The following TTC3 variants were observed in gnomAD, a reference collection of about 807,000 sequenced individuals.
TTC3 encodes E3 ubiquitin-protein ligase TTC3.
In TTC3, 180 loss-of-function variants were observed where a neutral mutation model predicts 249.6. The ratio of observed to expected loss-of-function variants is 0.72; its 90% CI spans 0.64 to 0.82. The LOEUF (loss-of-function observed/expected upper bound fraction) is 0.82. Among genes scored for constraint, TTC3 ranks in the 40% least tolerant of loss-of-function variants. TTC3 has a pLI of 0.00. For missense variants in TTC3, 2,061 were observed against 2,398.4 expected (o/e 0.86, Z 2.94); for synonymous variants, 717 against 805.0 (o/e 0.89, Z 1.85).
chr21:37,121,743 A>G, intron 11 of TTC3, 74 bp from the exon 12 acceptor site: 1 of 1,386,526 alleles, frequency 7.2e-7, no homozygotes, highest in Non-Finnish European at 9.5e-7. Flanking sequence ...TTCAAGCAAA[A>G]CATTTTTCCT....
intron 19 of TTC3, among the ~76,000 whole-genome samples, chr21:37,139,180 G>A (rs2078211452): frequency 1.3e-5 from 2 of 152,130 alleles, no homozygotes; most frequent in Non-Finnish European, 1.5e-5. Context: ...TGGACCTGGG[G>A]AGGTTTCGTG....
intron 35 of TTC3, among the ~76,000 whole-genome samples, chr21:37,180,068 C>G (rs1053498567): frequency 1.2e-4 from 19 of 152,316 alleles, no homozygotes; most frequent in African/African-American, 4.1e-4. Context: ...TCTTAAGTGT[C>G]AGGCTCTGTG....
exon 33 of TTC3, chr21:37,165,937 T>C (rs765483684): frequency 3.0e-5 from 48 of 1,614,084 alleles, no homozygotes; most frequent in Non-Finnish European, 3.6e-5. Context: ...AACCTGTGTC[T>C]GCAAATTCTC....
At chr21:37,089,360 C>G (rs923356920) in intron 5 of TTC3, among the ~76,000 whole-genome samples, 1 of 151,898 alleles carries the variant, frequency 6.6e-6, no homozygotes, top group Non-Finnish European at 1.5e-5. Flanking sequence ...TATTGGATAG[C>G]TTTTTAAATT....
At position 37,088,179 on chromosome 21, in the gene TTC3, CT is replaced by C. The variant is rs755312710; in HGVS notation, c.188-8del. On this transcript the variant is annotated splice_polypyrimidine_tract_variant and intron_variant, in intron 3 of 45. Transcript: ENST00000355666. ...ATGAGGCACAAACATTAATTTTAAA[CT>C]TTTTTTTTAATTAAGAATTTGACAT... The C allele has an allele frequency of 4.0e-5, 61 of 1,516,126 alleles. No homozygotes were observed. Among genetic ancestry groups the C allele is most frequent in the South Asian group, 1.3e-4 (10 of 79,138 alleles). 93.9% of individuals were successfully genotyped at this position (1,516,126 alleles called of 1,614,324 possible).
chr21:37,082,685 T>G (rs148159960), intron 1 of TTC3: 1 of 985,340 alleles, frequency 1.0e-6, no homozygotes, highest in East Asian at 1.1e-4. Flanking sequence ...CCCCTATTTC[T>G]ATGAGCTCAG....
At chr21:37,111,828 A>C (rs905078635) in intron 11 of TTC3, among the ~76,000 whole-genome samples, 1 of 152,164 alleles carries the variant, frequency 6.6e-6, no homozygotes. Flanking sequence ...ATGTAAAAGA[A>C]CAGAAATTAT....
chr21:37,157,494 C>T (rs933944198), intron 28 of TTC3, among the ~76,000 whole-genome samples: 1 of 152,172 alleles, frequency 6.6e-6, no homozygotes, highest in Non-Finnish European at 1.5e-5. Context: ...GAAGCATGCA[C>T]TAATAACAGT....
chr21:37,194,826 G>C (rs2084676258), intron 41 of TTC3: 1 of 152,242 alleles, frequency 6.6e-6, no homozygotes, highest in Non-Finnish European at 1.5e-5. Context: ...CTAATGTGGG[G>C]GAATGTTGGG....
chr21:37,198,123 T>C lies in TTC3; in HGVS notation c.5850+98T>C, dbSNP rs1028892634. 27 of 1,366,038 alleles carry C rather than the reference T, an allele frequency of 2.0e-5. No individual in the cohort carries two copies. In the Admixed American group the frequency reaches 7.0e-4, roughly 35 times the overall value. The allele number at this position is 1,366,038 out of a possible 1,614,324, so 84.6% of individuals were successfully genotyped here. A position where few individuals can be genotyped will look rare whatever the true frequency, so the allele number is the denominator to read the frequency against. On this transcript the variant is annotated intron_variant, in intron 44 of 45. Coordinates refer to ENST00000355666, the Ensembl canonical transcript of TTC3. ...GCCCCATTCATTTCTAGACCTAATT[T>C]ATTTGATCCCAACATTAGAAACTGA...
intron 23 of TTC3, among the ~76,000 whole-genome samples, chr21:37,149,783 T>C (rs2079287718): frequency 6.6e-6 from 1 of 152,228 alleles, no homozygotes; most frequent in Admixed American, 6.5e-5. Flanking sequence ...AAAAGAACAA[T>C]GTCCAGTCTA....
At chr21:37,099,185 G>A (rs563609113) in intron 10 of TTC3, 2 of 152,000 alleles carry the variant, frequency 1.3e-5, no homozygotes, top group East Asian at 3.9e-4. Context: ...AACTTTAAAT[G>A]AAAAAGAGAT....
chr21:37,110,278 C>T (rs565002064), intron 11 of TTC3, among the ~76,000 whole-genome samples: 3 of 152,172 alleles, frequency 2.0e-5, no homozygotes, highest in East Asian at 3.9e-4. Context: ...GGAGGAAGTT[C>T]GAACCAATGG....
intron 22 of TTC3, among the ~76,000 whole-genome samples, chr21:37,147,916 A>G (rs986384690): frequency 6.6e-6 from 1 of 152,068 alleles, no homozygotes; most frequent in Admixed American, 6.6e-5. Flanking sequence ...TTTAGTAGAG[A>G]CAGGGTTTCA....
chr21:37,076,229 G>A (rs1424834550), intron 1 of TTC3, among the ~76,000 whole-genome samples: 1 of 152,154 alleles, frequency 6.6e-6, no homozygotes, highest in African/African-American at 2.4e-5. Context: ...TTCACTTGAT[G>A]TTATGTTTCT....
chr21:37,161,027 G>C (rs2054388541), intron 30 of TTC3, among the ~76,000 whole-genome samples, 169 bp downstream of exon 30: 2 of 151,776 alleles, frequency 1.3e-5, no homozygotes, highest in Non-Finnish European at 2.9e-5. Context: ...AGAAATTCCA[G>C]GTTCATATTA....
chr21:37,124,290 A>C lies in TTC3; in HGVS notation c.1110-329A>C, dbSNP rs148438171. 6.6e-3 allele frequency among the ~76,000 whole-genome samples: 993 copies of C among 150,888 alleles called. 13 individuals carry two copies. The highest frequency in any genetic ancestry group is 0.023 in the African/African-American group (929 of 41,080). On this transcript the variant is annotated intron_variant, in intron 13 of 45. Transcript: ENST00000355666. Reference sequence around the variant, plus strand: ...GCCACCACACCTGGCTAATTTTTGTATTTTTAGTAGAGACGGGGGTCTCAC... The same window carrying C: ...GCCACCACACCTGGCTAATTTTTGTCTTTTTAGTAGAGACGGGGGTCTCAC...
intron 8 of TTC3, among the ~76,000 whole-genome samples, chr21:37,094,308 T>C (rs1045340359): frequency 1.3e-5 from 2 of 152,164 alleles, no homozygotes; most frequent in Admixed American, 1.3e-4. Flanking sequence ...CTTTAATGAG[T>C]TGAAGAAATA....
chr21:37,100,637 T>C (rs913527220), intron 10 of TTC3, among the ~76,000 whole-genome samples: 2 of 152,190 alleles, frequency 1.3e-5, no homozygotes, highest in Non-Finnish European at 2.9e-5. Flanking sequence ...GGCCTGCGAA[T>C]GTTGCGCTTG....
Sources: allele counts gnomAD v4.1 joint callset (sites outside exome capture counted in the v4.1 genomes callset), GRCh38; gene constraint gnomAD v4.1.1; transcripts MANE v1.5; gene names NCBI Gene and HGNC (gene_info 2026-07-23, HGNC 2026-07-21).